The following GRID1 variants were observed in gnomAD, a reference collection of about 807,000 sequenced individuals.
The protein encoded by GRID1 is glutamate receptor ionotropic, delta-1.
In GRID1, 28 loss-of-function variants were observed where a neutral mutation model predicts 98.0. The ratio of observed to expected loss-of-function variants is 0.29; its 90% CI spans 0.21 to 0.39. The LOEUF (loss-of-function observed/expected upper bound fraction) is 0.39, where lower values mean the gene tolerates loss of function less well. GRID1 is among the 10% of genes least tolerant of loss of function. The pLI, the probability that GRID1 is intolerant of heterozygous loss-of-function variation, is 1.00. For missense variants in GRID1, 1,111 were observed against 1,340.5 expected (o/e 0.83, Z 2.67); for synonymous variants, 553 against 538.5 (o/e 1.03, Z -0.37).
chr10:86,210,012 G>C (rs1263781800), intron 2 of GRID1, among the ~76,000 whole-genome samples: 1 of 152,182 alleles, frequency 6.6e-6, no homozygotes, highest in African/African-American at 2.4e-5. Flanking sequence ...AGCACTGTCA[G>C]GGGGAAGAGC....
rs11596692 is a variant in GRID1, at chr10:85,972,024, G to A, written c.727-55785C>T. Among the ~76,000 whole-genome samples the A allele has an allele frequency of 5.7e-3, 867 of 152,114 alleles. 11 individuals carry two copies. The highest frequency in any genetic ancestry group is 0.02 in the African/African-American group (831 of 41,510). ...TACATGTCTACGTGGTAACAAATGA[G>A]AATCAACCCCTAACAGACACAACAA... On this transcript the variant is annotated intron_variant, in intron 4 of 15. Transcript: ENST00000327946.
chr10:85,886,167 G>A (rs943770283), intron 5 of GRID1, among the ~76,000 whole-genome samples: 12 of 152,314 alleles, frequency 7.9e-5, no homozygotes, highest in Admixed American at 5.9e-4. Context: ...TCTCCATGCT[G>A]GATTTTTTAG....
At chr10:85,749,916 G>T (rs1842030450) in intron 8 of GRID1, among the ~76,000 whole-genome samples, 1 of 152,040 alleles carries the variant, frequency 6.6e-6, no homozygotes, top group African/African-American at 2.4e-5. Flanking sequence ...GTTTTCAATA[G>T]TATTCATAAC....
intron 2 of GRID1, among the ~76,000 whole-genome samples, chr10:86,253,069 C>T: frequency 6.6e-6 from 1 of 152,158 alleles, no homozygotes; most frequent in East Asian, 1.9e-4. Flanking sequence ...GCTAGAAACC[C>T]AGTAAATGTC....
chr10:85,900,370 C>T (rs1302754303), intron 5 of GRID1, among the ~76,000 whole-genome samples: 2 of 152,210 alleles, frequency 1.3e-5, no homozygotes, highest in African/African-American at 4.8e-5. Flanking sequence ...GCAGCAAGTT[C>T]ATCTGAATCC....
intron 12 of GRID1, among the ~76,000 whole-genome samples, chr10:85,676,775 G>T (rs961507965): frequency 6.6e-6 from 1 of 152,158 alleles, no homozygotes; most frequent in Non-Finnish European, 1.5e-5. Flanking sequence ...TCACATGCTT[G>T]GTTATTTGCA....
At chr10:86,184,338 C>T (rs1284738482) in intron 3 of GRID1, among the ~76,000 whole-genome samples, 2 of 151,998 alleles carry the variant, frequency 1.3e-5, no homozygotes, top group Non-Finnish European at 2.9e-5. Context: ...CCTAGGGTCA[C>T]AATGATTTTC....
Position 85,647,317 on chromosome 10 carries a change from G to T in GRID1, c.2078C>A (p.Ala693Asp). Residue 693 changes from alanine (A) to aspartate (D), a missense_variant, in exon 13 of 16, where the codon GCC becomes GAC. Coordinates refer to ENST00000327946, the MANE Select transcript of GRID1 (RefSeq NM_017551.3). ...RDSAVYEYFR[A>D]KGTNPLEQDS... is the part of the protein sequence containing the mutation. Reference sequence around the variant, plus strand: ...CTGCTCCAGGGGGTTGGTGCCCTTGGCTCGGAAGTACTCATATACAGCAGA... The same window carrying T: ...CTGCTCCAGGGGGTTGGTGCCCTTGTCTCGGAAGTACTCATATACAGCAGA... The T allele has an allele frequency of 6.2e-7, 1 of 1,614,154 alleles. No individual in the cohort carries two copies. The highest frequency in any genetic ancestry group is 8.5e-7 in the Non-Finnish European group (1 of 1,179,956).
intron 12 of GRID1, among the ~76,000 whole-genome samples, chr10:85,685,533 G>C (rs1240013530): frequency 6.6e-6 from 1 of 151,962 alleles, no homozygotes; most frequent in African/African-American, 2.4e-5. Context: ...GTAATTTTTG[G>C]TAAAACTTAA....
intron 4 of GRID1, among the ~76,000 whole-genome samples, chr10:86,110,949 A>G (rs1844472137): frequency 6.6e-6 from 1 of 152,254 alleles, no homozygotes; most frequent in Admixed American, 6.5e-5. Context: ...AGCCCAGCGT[A>G]TCAGTTAGTA....
At chr10:86,270,169 CTCTT>C (rs2132060909) in intron 2 of GRID1, among the ~76,000 whole-genome samples, 1 of 152,338 alleles carries the variant, frequency 6.6e-6, no homozygotes, top group South Asian at 2.1e-4. Context: ...CAATGATAAA[CTCTT>C]TCCCTCACCC....
intron 13 of GRID1, among the ~76,000 whole-genome samples, chr10:85,634,291 T>TCTCTCTCTCTCTCACA (rs1162030685): frequency 1.2e-4 from 12 of 102,998 alleles, no homozygotes; most frequent in South Asian, 3.0e-4. Context: ...TCTCTCTCTC[T>TCTCTCTCTCTCTCACA]CACACACACA....
At chr10:85,769,429 T>G (rs1181589074) in intron 8 of GRID1, among the ~76,000 whole-genome samples, 1 of 152,228 alleles carries the variant, frequency 6.6e-6, no homozygotes, top group Non-Finnish European at 1.5e-5. Context: ...CATTTCCATC[T>G]GGGGTACCGG....
At position 85,925,490 on chromosome 10, in the gene GRID1, G is replaced by A. The variant is rs144747009; in HGVS notation, c.727-9251C>T. ...CTCGGTCCCTGAGGGCAGGGGACAC[G>A]GCCCTGGGGTGGCAGGTGGCTGTGT... is the stretch of plus-strand genomic sequence containing the variant. On this transcript the variant is annotated intron_variant, in intron 4 of 15. Transcript: ENST00000327946. Among the ~76,000 whole-genome samples, 14 of 152,332 alleles carry A rather than the reference G, an allele frequency of 9.2e-5. No individual in the cohort carries two copies. The East Asian group carries it at 2.1e-3, about 23-fold the overall frequency.
chr10:85,805,614 G>A (rs551492624), intron 8 of GRID1, among the ~76,000 whole-genome samples: 17 of 151,934 alleles, frequency 1.1e-4, no homozygotes, highest in African/African-American at 4.1e-4. Flanking sequence ...AAGAAGGTGT[G>A]GTATTAGCTT....
At chr10:86,160,378 C>A (rs182480992) in intron 3 of GRID1, among the ~76,000 whole-genome samples, 3 of 152,356 alleles carry the variant, frequency 2.0e-5, no homozygotes, top group Admixed American at 1.3e-4. Context: ...ATGCCTCCTG[C>A]AGACCAACTA....
At chr10:85,805,995 A>T (rs186437407) in intron 8 of GRID1, among the ~76,000 whole-genome samples, 4,988 of 145,004 alleles carry the variant, frequency 0.034, 122 homozygotes, top group Non-Finnish European at 0.049. Context: ...ATCATGCTTT[A>T]AAAAAAAAAA....
At chr10:85,737,850 C>T (rs1328957568) in intron 8 of GRID1, among the ~76,000 whole-genome samples, 2 of 151,402 alleles carry the variant, frequency 1.3e-5, no homozygotes, top group Non-Finnish European at 2.9e-5. Context: ...AACTGAATTT[C>T]AAATGGTACA....
At chr10:85,612,850 C>A (rs1439806087) in intron 15 of GRID1, among the ~76,000 whole-genome samples, 1 of 151,926 alleles carries the variant, frequency 6.6e-6, no homozygotes, top group Non-Finnish European at 1.5e-5. Flanking sequence ...GTGCCCAGAA[C>A]CCGGAGTGTG....
Sources: gnomAD v4.1 joint callset for allele counts (sites outside exome capture counted in the v4.1 genomes callset) on GRCh38, gnomAD v4.1.1 for gene constraint, MANE v1.5 for transcripts, NCBI Gene and HGNC (gene_info 2026-07-23, HGNC 2026-07-21) for gene names.